The following CREB5 variants were observed in gnomAD, a reference collection of about 807,000 sequenced individuals.
CREB5 encodes cAMP responsive element binding protein 5.
In CREB5, 19 loss-of-function variants were observed where a neutral mutation model predicts 57.1. The ratio of observed to expected loss-of-function variants is 0.33; its 90% CI spans 0.23 to 0.49. CREB5 has a LOEUF of 0.49. Among genes scored for constraint, CREB5 ranks in the 20% least tolerant of loss-of-function variants. The pLI is 0.99. For synonymous variants in CREB5, 238 were observed against 238.3 expected (o/e 1.00, Z 0.01); for missense variants, 579 against 671.6 (o/e 0.86, Z 1.52).
intron 5 of CREB5, among the ~76,000 whole-genome samples, chr7:28,717,531 T>C (rs1802763738): frequency 6.6e-6 from 1 of 152,176 alleles, no homozygotes; most frequent in Non-Finnish European, 1.5e-5. Flanking sequence ...CCAAAGGAAC[T>C]CTGGGGAAGC....
intron 7 of CREB5, among the ~76,000 whole-genome samples, chr7:28,763,784 G>A (rs1055358623): frequency 1.5e-4 from 21 of 143,830 alleles, no homozygotes; most frequent in Middle Eastern, 7.1e-3. Flanking sequence ...TGATGTAATC[G>A]CTGTGGGGAT....
intron 5 of CREB5, among the ~76,000 whole-genome samples, chr7:28,633,162 A>G (rs567129458): frequency 1.3e-4 from 20 of 152,318 alleles, no homozygotes; most frequent in African/African-American, 4.8e-4. Context: ...AAGCAAAACA[A>G]TTTGTCTAAG....
intron 5 of CREB5, among the ~76,000 whole-genome samples, chr7:28,573,560 C>A (rs779106768): frequency 6.6e-6 from 1 of 152,208 alleles, no homozygotes; most frequent in Non-Finnish European, 1.5e-5. Flanking sequence ...GGCCACCTGG[C>A]TCCTGCTCCC....
At chr7:28,490,325 T>G (rs1791743344) in intron 2 of CREB5, among the ~76,000 whole-genome samples, 1 of 152,230 alleles carries the variant, frequency 6.6e-6, no homozygotes, top group Non-Finnish European at 1.5e-5. Context: ...ATACAGGGAT[T>G]AAGTTTACTT....
intron 4 of CREB5, among the ~76,000 whole-genome samples, chr7:28,526,019 G>T (rs557458921): frequency 2.0e-5 from 3 of 152,166 alleles, no homozygotes; most frequent in African/African-American, 4.8e-5. Flanking sequence ...AGATTTCAGC[G>T]CCAAATCTGG....
At chr7:28,596,103 C>T (rs1185343891) in intron 5 of CREB5, among the ~76,000 whole-genome samples, 1 of 152,160 alleles carries the variant, frequency 6.6e-6, no homozygotes, top group Non-Finnish European at 1.5e-5. Flanking sequence ...CCTTTTTGAC[C>T]AGGTGACTCT....
intron 1 of CREB5, among the ~76,000 whole-genome samples, chr7:28,448,844 C>T (rs1471478007): frequency 6.6e-6 from 1 of 152,180 alleles, no homozygotes; most frequent in African/African-American, 2.4e-5. Context: ...ACATAGAAGC[C>T]GAGCCCAGAG....
At chr7:28,404,045 C>T (rs1401648969) in intron 1 of CREB5, among the ~76,000 whole-genome samples, 6 of 152,118 alleles carry the variant, frequency 3.9e-5, no homozygotes, top group Admixed American at 3.9e-4. Context: ...CCCGTACATA[C>T]ATATGTATTT....
chr7:28,301,113 T>C (rs982128176), intron 1 of CREB5, among the ~76,000 whole-genome samples: 2 of 152,222 alleles, frequency 1.3e-5, no homozygotes, highest in African/African-American at 4.8e-5. Flanking sequence ...TGTAGACAGA[T>C]TTGAGAACCA....
chr7:28,376,028 C>T (rs1786815539), intron 1 of CREB5, among the ~76,000 whole-genome samples: 1 of 152,152 alleles, frequency 6.6e-6, no homozygotes, highest in Non-Finnish European at 1.5e-5. Flanking sequence ...ATCTTGTCTC[C>T]CACCATGCCC....
At chr7:28,614,176 C>A (rs941133027) in intron 5 of CREB5, among the ~76,000 whole-genome samples, 43 of 152,224 alleles carry the variant, frequency 2.8e-4, no homozygotes, top group African/African-American at 7.5e-4. Context: ...TCAGGCCAGT[C>A]TCAAACACTT....
intron 1 of CREB5, among the ~76,000 whole-genome samples, chr7:28,397,227 T>C (rs781184057): frequency 5.3e-5 from 8 of 152,302 alleles, no homozygotes; most frequent in East Asian, 1.9e-4. Context: ...ACATCCATCA[T>C]TGGGATAAAC....
intron 1 of CREB5, among the ~76,000 whole-genome samples, chr7:28,415,549 TATATA>T (rs1787991610): frequency 6.6e-6 from 1 of 152,244 alleles, no homozygotes; most frequent in Middle Eastern, 3.2e-3. Context: ...CATTCATTCT[TATATA>T]ATATCTGCAA....
chr7:28,600,069 G>C (rs1796855393), intron 5 of CREB5, among the ~76,000 whole-genome samples: 1 of 151,882 alleles, frequency 6.6e-6, no homozygotes, highest in African/African-American at 2.4e-5. Context: ...TAGATTGTGG[G>C]GATTCCTGCT....
At chr7:28,758,979 A>G (rs1805496813) in intron 7 of CREB5, among the ~76,000 whole-genome samples, 1 of 151,736 alleles carries the variant, frequency 6.6e-6, no homozygotes, top group Non-Finnish European at 1.5e-5. Context: ...TGGAAGAGCA[A>G]ATGGTTCAGT....
chr7:28,804,623 AG>A, intron 8 of CREB5, 101 bp downstream of exon 8: 2 of 1,429,360 alleles, frequency 1.4e-6, no homozygotes, highest in Non-Finnish European at 1.9e-6. Flanking sequence ...TGACAAGCCC[AG>A]GTGTTCTATC....
At chr7:28,702,840 G>C (rs901232342) in intron 5 of CREB5, among the ~76,000 whole-genome samples, 1 of 152,184 alleles carries the variant, frequency 6.6e-6, no homozygotes, top group East Asian at 1.9e-4. Flanking sequence ...TATTTAAAAG[G>C]AGACCTAAAG....
chr7:28,814,244 C>G (rs1809291859), intron 9 of CREB5, among the ~76,000 whole-genome samples: 1 of 152,206 alleles, frequency 6.6e-6, no homozygotes, highest in African/African-American at 2.4e-5. Flanking sequence ...ATTTCCTACA[C>G]TAATCAGTCT....
At chr7:28,679,703 C>T (rs540675556) in intron 5 of CREB5, among the ~76,000 whole-genome samples, 12 of 152,242 alleles carry the variant, frequency 7.9e-5, no homozygotes, top group Middle Eastern at 3.4e-3. Flanking sequence ...ATTCCAGGGC[C>T]GGTAACAGTG....
Sources: allele counts gnomAD v4.1 joint callset (sites outside exome capture counted in the v4.1 genomes callset), GRCh38; gene constraint gnomAD v4.1.1; transcripts MANE v1.5; gene names NCBI Gene and HGNC (gene_info 2026-07-23, HGNC 2026-07-21).